Variants in ELFN1 observed in about 807,000 individuals in gnomAD.
The protein encoded by ELFN1 is protein ELFN1.
A neutral mutation model predicts 7.6 loss-of-function variants in ELFN1; 6 were observed. The observed-to-expected ratio is 0.79, with a 90% CI of 0.43 to 1.56. The LOEUF is 1.56. ELFN1 is among the 40% of genes most tolerant of loss of function. The pLI is 0.01. For synonymous variants in ELFN1, 657 were observed against 588.1 expected, an observed-to-expected ratio of 1.12 and a Z score of -1.70; for missense variants, 1,169 against 1,232.2, an observed-to-expected ratio of 0.95 and a Z score of 0.77.
At chr7:1,701,023 C>G (rs146972846) in intron 2 of ELFN1, among the ~76,000 whole-genome samples, 1 of 152,018 alleles carries the variant, frequency 6.6e-6, no homozygotes, top group African/African-American at 2.4e-5. Flanking sequence ...AGGTAGCTGT[C>G]GTGTAGCTTG....
intron 3 of ELFN1, among the ~76,000 whole-genome samples, chr7:1,723,119 A>G (rs958750745): frequency 6.6e-6 from 1 of 152,230 alleles, no homozygotes; most frequent in Admixed American, 6.5e-5. Flanking sequence ...ACTTGAACCC[A>G]GGAGTTGGAA....
At chr7:1,690,903 T>C (rs1307675974) in intron 2 of ELFN1, among the ~76,000 whole-genome samples, 1 of 152,052 alleles carries the variant, frequency 6.6e-6, no homozygotes, top group Non-Finnish European at 1.5e-5. Context: ...AATGGATGCC[T>C]GAATGAGGGA....
At chr7:1,678,073 G>A (rs1313430744) in intron 1 of ELFN1, among the ~76,000 whole-genome samples, 1 of 152,078 alleles carries the variant, frequency 6.6e-6, no homozygotes, top group Non-Finnish European at 1.5e-5. Flanking sequence ...CAGAAATCCA[G>A]TGTTCCCGCA....
At position 1,746,489 on chromosome 7, in the gene ELFN1, GGCC is replaced by G; in HGVS notation, c.1898_1900del (p.Ala633del). On this transcript the variant is annotated inframe_deletion, in exon 4 of 4. Coordinates refer to ENST00000424383, the MANE Select transcript of ELFN1 (RefSeq NM_001128636.4). ...GCCTGCAGCGGCACCACAGCGTGGA[GGCC>G]GCCGGGCCCCCTCGTGCCAGCACCT... 1 of 1,498,598 alleles carries G rather than the reference GGCC, an allele frequency of 6.7e-7. No individual in the cohort carries two copies. The highest frequency in any genetic ancestry group is 8.8e-7 in the Non-Finnish European group (1 of 1,131,998). The allele number at this position is 1,498,598 out of a possible 1,614,324, so 92.8% of individuals were successfully genotyped here.
At chr7:1,729,862 G>A (rs1405849317) in intron 3 of ELFN1, among the ~76,000 whole-genome samples, 2 of 152,234 alleles carry the variant, frequency 1.3e-5, no homozygotes, top group African/African-American at 2.4e-5. Context: ...TATTGTCTGT[G>A]CCCTCCCCTC....
chr7:1,714,810 A>G (rs1333454616), intron 3 of ELFN1, among the ~76,000 whole-genome samples: 1 of 152,248 alleles, frequency 6.6e-6, no homozygotes, highest in East Asian at 1.9e-4. Context: ...TTGGCTGCGC[A>G]AGACAAACCT....
intron 2 of ELFN1, among the ~76,000 whole-genome samples, chr7:1,708,694 C>A (rs1194934697): frequency 6.6e-6 from 1 of 151,940 alleles, no homozygotes; most frequent in Non-Finnish European, 1.5e-5. Context: ...CCCACGGACC[C>A]AACAGCCCCA....
intron 3 of ELFN1, among the ~76,000 whole-genome samples, chr7:1,716,329 A>C (rs1779830240): frequency 6.6e-6 from 1 of 152,198 alleles, no homozygotes; most frequent in South Asian, 2.1e-4. Flanking sequence ...AGGGGCTCAC[A>C]CAGCATCTGG....
In ELFN1 at chr7:1,670,934, G is replaced by T. The variant is rs1395419850; in HGVS notation, c.-549+580G>T. On this transcript the variant is annotated intron_variant, in intron 1 of 3. Coordinates refer to ENST00000424383, the MANE Select transcript of ELFN1 (RefSeq NM_001128636.4). The surrounding 1 kb of genome is among the most constrained non-coding windows in gnomAD (Gnocchi z 6.4). Reference sequence around the variant, plus strand: ...CCCCTGAGTCCAACCACTGGCGGGGGGGTGGGGTGGGGGGCTTCGCTCCGA... The same window carrying T: ...CCCCTGAGTCCAACCACTGGCGGGGTGGTGGGGTGGGGGGCTTCGCTCCGA... Among the ~76,000 whole-genome samples, 1 of 152,130 alleles carries T rather than the reference G, an allele frequency of 6.6e-6. No homozygotes were observed. Among genetic ancestry groups the T allele is most frequent in the African/African-American group, 2.4e-5 (1 of 41,456 alleles).
chr7:1,730,424 A>G (rs1364340257), intron 3 of ELFN1, among the ~76,000 whole-genome samples: 1 of 152,230 alleles, frequency 6.6e-6, no homozygotes, highest in Non-Finnish European at 1.5e-5. Context: ...TATTGGATCA[A>G]AAAGCCTCAA....
intron 3 of ELFN1, among the ~76,000 whole-genome samples, chr7:1,727,212 G>T (rs992930000): frequency 6.6e-6 from 1 of 152,220 alleles, no homozygotes; most frequent in Non-Finnish European, 1.5e-5. Context: ...CACGAGGGGG[G>T]TGGAGATGGT....
chr7:1,722,923 G>A (rs1178759467), intron 3 of ELFN1, among the ~76,000 whole-genome samples: 3 of 151,974 alleles, frequency 2.0e-5, no homozygotes, highest in Non-Finnish European at 4.4e-5. Context: ...GGCTGGGTGC[G>A]GTGGCTCACG....
intron 1 of ELFN1, among the ~76,000 whole-genome samples, chr7:1,676,243 C>A (rs1164764458): frequency 6.6e-6 from 1 of 152,218 alleles, no homozygotes; most frequent in Non-Finnish European, 1.5e-5. Context: ...GGCCTCTGCC[C>A]TCCTCACTGA....
upstream of ELFN1, among the ~76,000 whole-genome samples, chr7:1,666,335 G>A (rs934615211): frequency 1.3e-5 from 2 of 151,860 alleles, no homozygotes; most frequent in Non-Finnish European, 2.9e-5. This position sits in a 1 kb window ranked among gnomAD's most constrained non-coding sequence, Gnocchi z 7.9. Context: ...CTCGCAGCCC[G>A]GGCCACCCCA....
chr7:1,732,339 G>A (rs2128599028), intron 3 of ELFN1, among the ~76,000 whole-genome samples: 1 of 152,296 alleles, frequency 6.6e-6, no homozygotes, highest in South Asian at 2.1e-4. Flanking sequence ...CTGAGAGACA[G>A]CAAGGACCCT....
At chr7:1,700,650 C>T (rs1779406897) in intron 2 of ELFN1, among the ~76,000 whole-genome samples, 1 of 152,216 alleles carries the variant, frequency 6.6e-6, no homozygotes, top group South Asian at 2.1e-4. Context: ...GGGACCCTCC[C>T]TGAGGTTTAC....
At chr7:1,696,954 G>A (rs529549327) in intron 2 of ELFN1, among the ~76,000 whole-genome samples, 3 of 152,234 alleles carry the variant, frequency 2.0e-5, no homozygotes, top group Admixed American at 6.5e-5. Flanking sequence ...CACGAGCAAT[G>A]CACTAGCAGG....
Position 1,747,863 on chromosome 7 carries a change from GAAAA to G in ELFN1, c.*784_*787del, listed in dbSNP as rs1780852095. ...GCAATGTTTGCTGTAAAATGAGAAA[GAAAA>G]AAAGACTATGTCTACTAAAAAAAAA... On this transcript the variant is annotated 3_prime_UTR_variant, in exon 4 of 4. Coordinates refer to ENST00000424383, the MANE Select transcript of ELFN1 (RefSeq NM_001128636.4). 1.2e-5 allele frequency: 1 copy of G among 85,192 alleles called. No homozygotes were observed. The highest frequency in any genetic ancestry group is 2.7e-5 in the Non-Finnish European group (1 of 36,942). The allele number at this position is 85,192 out of a possible 1,614,324, so 5.3% of individuals were successfully genotyped here. A position where few individuals can be genotyped will look rare whatever the true frequency, so the allele number is the denominator to read the frequency against.
In ELFN1 at chr7:1,739,800, G is replaced by C. The variant is rs1042536350; in HGVS notation, c.-293-4504G>C. Among the ~76,000 whole-genome samples, 1 of 152,200 alleles carries C rather than the reference G, an allele frequency of 6.6e-6. No individual in the cohort carries two copies. The highest frequency in any genetic ancestry group is 1.5e-5 in the Non-Finnish European group (1 of 68,038). ...GGTCACCGGTGGCCTTGGTGAGAGCGGCTCAGAGGGCCCGAGGGGGGACGC... is the reference window on the plus strand; with the variant it reads ...GGTCACCGGTGGCCTTGGTGAGAGCCGCTCAGAGGGCCCGAGGGGGGACGC... On this transcript the variant is annotated intron_variant, in intron 3 of 3. Transcript: ENST00000424383. The surrounding 1 kb of genome is among the most constrained non-coding windows in gnomAD (Gnocchi z 4.6).
Sources: allele counts gnomAD v4.1 joint callset (sites outside exome capture counted in the v4.1 genomes callset), GRCh38; gene constraint gnomAD v4.1.1; non-coding constraint Gnocchi (gnomAD v3.1); transcripts MANE v1.5; gene names NCBI Gene and HGNC (gene_info 2026-07-23, HGNC 2026-07-21).